Variants in RARB observed in about 807,000 individuals in gnomAD.
RARB encodes the protein HBV-activated protein.
Under a neutral mutation model 51.9 loss-of-function variants are expected in RARB, and 17 were observed. The ratio of observed to expected loss-of-function variants is 0.33; its 90% CI spans 0.22 to 0.49. RARB has a LOEUF of 0.49. Ranked by LOEUF, RARB falls within the 20% of genes least tolerant of loss-of-function variation. RARB has a pLI of 0.99. For synonymous variants in RARB, 215 were observed against 195.4 expected (o/e 1.10, Z -0.84); for missense variants, 369 against 550.8 (o/e 0.67, Z 3.30).
intron 5 of RARB, among the ~76,000 whole-genome samples, chr3:25,190,626 G>A (rs1377267855): frequency 1.3e-5 from 2 of 152,066 alleles, no homozygotes; most frequent in Admixed American, 6.6e-5. Context: ...TTGAGGTGTG[G>A]TTAATTAATT....
intron 2 of RARB, among the ~76,000 whole-genome samples, chr3:25,040,495 G>A (rs1024002376): frequency 1.3e-5 from 2 of 152,182 alleles, no homozygotes; most frequent in African/African-American, 4.8e-5. Context: ...CACTTTGGGA[G>A]GCCTAGGTCG....
chr3:24,935,176 T>C (rs958698046), intron 2 of RARB, among the ~76,000 whole-genome samples: 3 of 152,182 alleles, frequency 2.0e-5, no homozygotes, highest in Non-Finnish European at 4.4e-5. Flanking sequence ...CACTTTCATA[T>C]TCTGTTGCAG....
intron 2 of RARB, among the ~76,000 whole-genome samples, chr3:25,500,006 A>T (rs755284682): frequency 3.3e-5 from 5 of 152,340 alleles, no homozygotes; most frequent in Non-Finnish European, 7.3e-5. Flanking sequence ...AAACAAAGTT[A>T]TATTTCCTGT....
chr3:25,070,701 C>T (rs919288321), intron 3 of RARB, among the ~76,000 whole-genome samples: 5 of 152,200 alleles, frequency 3.3e-5, no homozygotes, highest in Non-Finnish European at 2.9e-5. Flanking sequence ...ATCATGACAA[C>T]CCTATGTGGA....
chr3:24,921,030 G>A lies in RARB; in HGVS notation c.-380+62278G>A, dbSNP rs149988397. On this transcript the variant is annotated intron_variant, in intron 2 of 11. Coordinates refer to the RARB transcript ENST00000383772. ...TAGGTCAAGGCTTACTGGTGCAGAG[G>A]CCTACAAAACCCAAGCAGGTAAAAG... 9.7e-4 allele frequency among the ~76,000 whole-genome samples: 147 copies of A among 152,204 alleles called. 1 individual carries two copies. The highest frequency in any genetic ancestry group is 3.3e-3 in the African/African-American group (138 of 41,540).
At chr3:25,338,597 G>A (rs936830504) in intron 5 of RARB, among the ~76,000 whole-genome samples, 3 of 151,590 alleles carry the variant, frequency 2.0e-5, no homozygotes, top group African/African-American at 4.9e-5. Context: ...TTTAACCATA[G>A]GGAAGTTCAA....
chr3:25,058,963 T>A (rs963827544), intron 2 of RARB, among the ~76,000 whole-genome samples: 8 of 151,480 alleles, frequency 5.3e-5, no homozygotes, highest in Admixed American at 1.3e-4. Context: ...CCAAAAAAAA[T>A]TTTACCCATA....
intron 1 of RARB, among the ~76,000 whole-genome samples, chr3:25,456,680 TATAGAGAGAG>T (rs1206107035): frequency 8.3e-4 from 83 of 99,964 alleles, no homozygotes; most frequent in African/African-American, 2.3e-3. Context: ...TATATATATA[TATAGAGAGAG>T]AGAGAGAGAG....
chr3:25,028,202 AG>A (rs1212738668), intron 2 of RARB, among the ~76,000 whole-genome samples: 1 of 152,214 alleles, frequency 6.6e-6, no homozygotes, highest in Admixed American at 6.5e-5. Flanking sequence ...TGCAATTCTC[AG>A]GCCCTACCTC....
At chr3:25,412,342 G>T (rs1045943376) in intron 5 of RARB, among the ~76,000 whole-genome samples, 1 of 151,972 alleles carries the variant, frequency 6.6e-6, no homozygotes, top group Non-Finnish European at 1.5e-5. Context: ...TTAACCAAGG[G>T]GGCCTAGTTA....
chr3:25,299,695 G>A (rs1180521312), intron 5 of RARB, among the ~76,000 whole-genome samples: 3 of 151,966 alleles, frequency 2.0e-5, no homozygotes, highest in Admixed American at 6.6e-5. Context: ...TTTATTTTAG[G>A]AACATTATTC....
At chr3:25,094,900 A>T (rs1326077947) in intron 3 of RARB, among the ~76,000 whole-genome samples, 1 of 152,028 alleles carries the variant, frequency 6.6e-6, no homozygotes, top group Non-Finnish European at 1.5e-5. Flanking sequence ...TAATTTTCAA[A>T]ACCATTTCAC....
chr3:24,871,639 C>G (rs1702950272), intron 2 of RARB, among the ~76,000 whole-genome samples: 1 of 152,134 alleles, frequency 6.6e-6, no homozygotes, highest in South Asian at 2.1e-4. Context: ...CGCCCAAACA[C>G]CAGATTGGAT....
At chr3:24,984,849 A>G (rs1696753764) in intron 2 of RARB, among the ~76,000 whole-genome samples, 1 of 152,202 alleles carries the variant, frequency 6.6e-6, no homozygotes, top group South Asian at 2.1e-4. Flanking sequence ...TTGTACACAT[A>G]ACATCTTTAG....
At chr3:25,460,222 G>C (rs994003753) in intron 1 of RARB, among the ~76,000 whole-genome samples, 1 of 152,030 alleles carries the variant, frequency 6.6e-6, no homozygotes, top group Non-Finnish European at 1.5e-5. Flanking sequence ...CCTGAGCTGG[G>C]ACCTGATACT....
At chr3:25,539,609 C>CA (rs1699290706) in intron 3 of RARB, among the ~76,000 whole-genome samples, 2 of 24,900 alleles carry the variant, frequency 8.0e-5, no homozygotes, top group Non-Finnish European at 1.7e-4. Context: ...TTTTGTATTT[C>CA]TTTTTTCCCC....
chr3:24,853,183 G>A (rs1702584471), intron 1 of RARB, among the ~76,000 whole-genome samples: 1 of 151,790 alleles, frequency 6.6e-6, no homozygotes, highest in South Asian at 2.1e-4. Context: ...CAGGCATGGT[G>A]GCAGGCACCT....
intron 5 of RARB, among the ~76,000 whole-genome samples, chr3:25,402,261 A>G (rs541997282): frequency 6.6e-6 from 1 of 152,188 alleles, no homozygotes; most frequent in Non-Finnish European, 1.5e-5. Flanking sequence ...ATCCAACACT[A>G]TGAATTTGTT....
intron 3 of RARB, among the ~76,000 whole-genome samples, chr3:25,107,561 G>T (rs9812860): frequency 6.6e-6 from 1 of 152,042 alleles, no homozygotes; most frequent in Admixed American, 6.6e-5. Flanking sequence ...CCTCATCCAC[G>T]AGTGATATAT....
Sources: allele counts gnomAD v4.1 joint callset (sites outside exome capture counted in the v4.1 genomes callset), GRCh38; gene constraint gnomAD v4.1.1; transcripts MANE v1.5; gene names NCBI Gene and HGNC (gene_info 2026-07-23, HGNC 2026-07-21).